Variants in ENTHD1 observed in about 807,000 individuals in gnomAD.
ENTHD1 encodes ENTH domain containing 1, also known as ENTH domain-containing protein 1.
ENTHD1 carries 23 observed loss-of-function variants against 39.1 expected under a neutral mutation model. The observed-to-expected ratio is 0.59, with a 90% CI of 0.42 to 0.83. The LOEUF is 0.83. Ranked by LOEUF, ENTHD1 falls within the 40% of genes least tolerant of loss-of-function variation. The pLI is 0.00. For synonymous variants in ENTHD1, 230 were observed against 258.2 expected, an observed-to-expected ratio of 0.89 and a Z score of 1.05; for missense variants, 624 against 705.4, an observed-to-expected ratio of 0.88 and a Z score of 1.31.
chr22:39,797,362 A>G (rs1219797923), intron 5 of ENTHD1, among the ~76,000 whole-genome samples: 3 of 152,108 alleles, frequency 2.0e-5, no homozygotes, highest in Non-Finnish European at 4.4e-5. Flanking sequence ...TTTACCTTCA[A>G]GGTTATTATT....
At chr22:39,786,946 T>C (rs925694388) in intron 5 of ENTHD1, among the ~76,000 whole-genome samples, 2 of 152,256 alleles carry the variant, frequency 1.3e-5, no homozygotes, top group Non-Finnish European at 2.9e-5. Context: ...TTATTGTGTT[T>C]CTCAGATATT....
chr22:39,860,838 T>A (rs1212703450), intron 3 of ENTHD1, among the ~76,000 whole-genome samples: 1 of 152,222 alleles, frequency 6.6e-6, no homozygotes. Context: ...TGACATTTTT[T>A]AAAGTTTTAG....
chr22:39,835,281 T>C (rs1191331815), intron 4 of ENTHD1, among the ~76,000 whole-genome samples: 1 of 152,088 alleles, frequency 6.6e-6, no homozygotes, highest in Non-Finnish European at 1.5e-5. Flanking sequence ...GTACTATTTT[T>C]GCAACTTCCT....
intron 3 of ENTHD1, 22 bp downstream of exon 3, chr22:39,861,743 G>T: frequency 7.0e-7 from 1 of 1,433,316 alleles, no homozygotes; most frequent in South Asian, 1.8e-5. Context: ...TTGCATTTTA[G>T]GCCAATGTTC....
At chr22:39,789,669 G>A (rs1223967626) in intron 5 of ENTHD1, among the ~76,000 whole-genome samples, 1 of 152,074 alleles carries the variant, frequency 6.6e-6, no homozygotes, top group Non-Finnish European at 1.5e-5. Context: ...TACAACAGTG[G>A]ACAAAAAGAC....
At chr22:39,801,387 CAA>C (rs138920403) in intron 5 of ENTHD1, among the ~76,000 whole-genome samples, 1,945 of 152,258 alleles carry the variant, frequency 0.013, 45 homozygotes, top group African/African-American at 0.045. Flanking sequence ...TCCAACAATA[CAA>C]AAGAAACATC....
At chr22:39,784,543 TACAC>T (rs3044403) in intron 5 of ENTHD1, among the ~76,000 whole-genome samples, 8,996 of 141,988 alleles carry the variant, frequency 0.063, 499 homozygotes, top group African/African-American at 0.16. Context: ...TCTCTCTGTA[TACAC>T]ACACACACAC....
At chr22:39,874,018 A>G (rs925414957) in intron 2 of ENTHD1, among the ~76,000 whole-genome samples, 25 of 152,208 alleles carry the variant, frequency 1.6e-4, no homozygotes, top group Non-Finnish European at 1.0e-4. Context: ...GGCAGAAGGC[A>G]AGGAAGAGCA....
At chr22:39,845,126 A>C (rs1320297129) in intron 3 of ENTHD1, among the ~76,000 whole-genome samples, 1 of 151,698 alleles carries the variant, frequency 6.6e-6, no homozygotes, top group Non-Finnish European at 1.5e-5. Flanking sequence ...AAACAAACTG[A>C]TCTCAGATAT....
intron 5 of ENTHD1, among the ~76,000 whole-genome samples, chr22:39,794,994 A>G (rs527276897): frequency 2.0e-5 from 3 of 152,276 alleles, no homozygotes; most frequent in Admixed American, 6.5e-5. Context: ...GATTTTATCA[A>G]ACGCTTTTTT....
chr22:39,763,661 C>T (rs1331291417), intron 6 of ENTHD1, among the ~76,000 whole-genome samples: 1 of 152,056 alleles, frequency 6.6e-6, no homozygotes, highest in African/African-American at 2.4e-5. Context: ...GACTTCAAAC[C>T]AGCTTTTAAT....
At chr22:39,838,585 C>T (rs2065922594) in intron 3 of ENTHD1, among the ~76,000 whole-genome samples, 1 of 152,080 alleles carries the variant, frequency 6.6e-6, no homozygotes, top group South Asian at 2.1e-4. Flanking sequence ...CAATCAGTCA[C>T]ACTCCTATGT....
At chr22:39,878,915 T>C (rs2066312573) in intron 2 of ENTHD1, among the ~76,000 whole-genome samples, 1 of 152,094 alleles carries the variant, frequency 6.6e-6, no homozygotes, top group Admixed American at 6.6e-5. Flanking sequence ...ATCAGAATTA[T>C]TTTATTATTA....
At chr22:39,847,930 C>A (rs1041445045) in intron 3 of ENTHD1, among the ~76,000 whole-genome samples, 1 of 152,184 alleles carries the variant, frequency 6.6e-6, no homozygotes, top group Admixed American at 6.5e-5. Context: ...TAAATGGGTT[C>A]TCTGTTTCTG....
At chr22:39,767,462 A>AAAAAC (rs536071958) in intron 5 of ENTHD1, among the ~76,000 whole-genome samples, 43 of 152,268 alleles carry the variant, frequency 2.8e-4, no homozygotes, top group East Asian at 7.7e-4. Flanking sequence ...CATTTCTATG[A>AAAAAC]AAAACAAAAC....
intron 2 of ENTHD1, among the ~76,000 whole-genome samples, chr22:39,883,003 C>CAAAAAAAAAAAAA (rs58964198): frequency 5.4e-4 from 26 of 47,952 alleles, no homozygotes; most frequent in African/African-American, 6.5e-4. Flanking sequence ...GACTTCATCT[C>CAAAAAAAAAAAAA]AAAAAAAAAA....
intron 6 of ENTHD1, among the ~76,000 whole-genome samples, chr22:39,746,588 T>C (rs1226112687): frequency 6.6e-6 from 1 of 152,216 alleles, no homozygotes; most frequent in Non-Finnish European, 1.5e-5. Flanking sequence ...GTATGGCACT[T>C]GTCAACTTTG....
intron 1 of ENTHD1, among the ~76,000 whole-genome samples, chr22:39,888,904 G>A (rs1388763813): frequency 6.6e-6 from 1 of 152,102 alleles, no homozygotes; most frequent in African/African-American, 2.4e-5. Context: ...TAATTAAAAT[G>A]GGGGTAAAAT....
intron 3 of ENTHD1, among the ~76,000 whole-genome samples, chr22:39,852,119 G>C (rs913692017): frequency 6.6e-6 from 1 of 151,846 alleles, no homozygotes; most frequent in African/African-American, 2.4e-5. Flanking sequence ...GATTGCTTAA[G>C]CCAAGGAGCT....
Sources: allele counts gnomAD v4.1 joint callset (sites outside exome capture counted in the v4.1 genomes callset), GRCh38; gene constraint gnomAD v4.1.1; transcripts MANE v1.5; gene names NCBI Gene and HGNC (gene_info 2026-07-23, HGNC 2026-07-21).